Variants in RSPRY1 observed in about 807,000 individuals in gnomAD.
The protein encoded by RSPRY1 is ring finger and SPRY domain containing 1.
A neutral mutation model predicts 73.1 loss-of-function variants in RSPRY1; 23 were observed. The observed-to-expected ratio is 0.31, with a 90% CI of 0.23 to 0.45. The LOEUF is 0.45. Among genes scored for constraint, RSPRY1 ranks in the 20% least tolerant of loss-of-function variants. The pLI is 1.00. For missense variants in RSPRY1, 448 were observed against 698.7 expected, an observed-to-expected ratio of 0.64 and a Z score of 4.05; for synonymous variants, 226 against 251.4, an observed-to-expected ratio of 0.90 and a Z score of 0.95.
intron 8 of RSPRY1, among the ~76,000 whole-genome samples, chr16:57,218,140 C>CA (rs1371582432): frequency 8.5e-5 from 13 of 152,140 alleles, no homozygotes; most frequent in Admixed American, 6.5e-5. Flanking sequence ...TATGAAAAAT[C>CA]AGTGTGTTTT....
intron 1 of RSPRY1, among the ~76,000 whole-genome samples, chr16:57,195,527 AAAAAGTATAATCATATT>A (rs1237550174): frequency 1.3e-5 from 2 of 152,178 alleles, no homozygotes; most frequent in African/African-American, 4.8e-5. Context: ...AATAAAAATA[AAAAAGTATAATCATATT>A]AAAAGTATTG....
chr16:57,205,838 A>C (rs1407894399), intron 2 of RSPRY1, among the ~76,000 whole-genome samples: 11 of 152,240 alleles, frequency 7.2e-5, no homozygotes, highest in Non-Finnish European at 1.6e-4. Context: ...GATAATGTAC[A>C]TAAGGCATTC....
chr16:57,201,928 T>C (rs1418126627), intron 1 of RSPRY1, among the ~76,000 whole-genome samples: 4 of 151,860 alleles, frequency 2.6e-5, no homozygotes, highest in Non-Finnish European at 4.4e-5. Context: ...AGCTTTGGCT[T>C]GGCATCAGGG....
chr16:57,226,003 G>A (rs553259948), intron 10 of RSPRY1, among the ~76,000 whole-genome samples: 3 of 152,180 alleles, frequency 2.0e-5, no homozygotes, highest in Admixed American at 6.5e-5. Flanking sequence ...GCTTAAACCC[G>A]GGAGGCAGAG....
intron 1 of RSPRY1, among the ~76,000 whole-genome samples, chr16:57,198,083 AC>A (rs1204470266): frequency 6.6e-6 from 1 of 151,974 alleles, no homozygotes; most frequent in Non-Finnish European, 1.5e-5. Flanking sequence ...TCATCCAATC[AC>A]CTTAAAATTG....
chr16:57,201,403 G>A (rs1432985144), intron 1 of RSPRY1, among the ~76,000 whole-genome samples: 3 of 151,438 alleles, frequency 2.0e-5, no homozygotes, highest in African/African-American at 4.9e-5. Context: ...GACGATGGGC[G>A]GCCTGGCAGA....
chr16:57,236,776 T>C (rs2075305860), intron 14 of RSPRY1, among the ~76,000 whole-genome samples: 1 of 152,172 alleles, frequency 6.6e-6, no homozygotes, highest in Non-Finnish European at 1.5e-5. Flanking sequence ...TTTTTATGAA[T>C]ATAAATCTAA....
chr16:57,218,463 A>G (rs1567505782), intron 8 of RSPRY1, among the ~76,000 whole-genome samples: 1 of 152,018 alleles, frequency 6.6e-6, no homozygotes, highest in South Asian at 2.1e-4. Flanking sequence ...TATTCCCATT[A>G]ACCAACCCCA....
At chr16:57,190,957 CTG>C (rs1345894218) in intron 1 of RSPRY1, among the ~76,000 whole-genome samples, 2 of 152,180 alleles carry the variant, frequency 1.3e-5, no homozygotes, top group Non-Finnish European at 2.9e-5. Flanking sequence ...CTTTTGAAAA[CTG>C]AGAATACATT....
chr16:57,190,362 A>T (rs1208097053), intron 1 of RSPRY1, among the ~76,000 whole-genome samples: 1 of 152,180 alleles, frequency 6.6e-6, no homozygotes, highest in Non-Finnish European at 1.5e-5. Context: ...TGTCTCAAAT[A>T]AATAAATAGG....
Position 57,238,999 on chromosome 16 carries a change from C to A in RSPRY1, c.*24C>A. 1 of 1,250,976 alleles carries A rather than the reference C, an allele frequency of 8.0e-7. No homozygotes were observed. The highest frequency in any genetic ancestry group is 1.3e-5 in the South Asian group (1 of 76,710). 77.5% of individuals were successfully genotyped at this position (1,250,976 alleles called of 1,614,324 possible). A position where few individuals can be genotyped will look rare whatever the true frequency, so the allele number is the denominator to read the frequency against. On this transcript the variant is annotated 3_prime_UTR_variant, in exon 15 of 15. Coordinates refer to ENST00000394420, the MANE Select transcript of RSPRY1 (RefSeq NM_133368.3). The stretch of plus-strand genomic sequence containing the variant: ...GACACATGTGAAGAGGCATCGTGGA[C>A]TTTTTTCTACTCAATTCCAGCCAAT...
At position 57,239,027 on chromosome 16, in the gene RSPRY1, TGAAAA is replaced by T. The variant is rs751304551; in HGVS notation, c.*58_*62del. ...TTTTCTACTCAATTCCAGCCAATGT[TGAAAA>T]GAAAAAGAAAAAAAAAACTCTCTAA... On this transcript the variant is annotated 3_prime_UTR_variant, in exon 15 of 15. Transcript: ENST00000394420. 1.6e-5 allele frequency: 16 copies of T among 1,015,746 alleles called. No individual in the cohort carries two copies. Among genetic ancestry groups the T allele is most frequent in the East Asian group, 1.5e-4 (6 of 39,604 alleles). 62.9% of individuals were successfully genotyped at this position (1,015,746 alleles called of 1,614,324 possible).
intron 1 of RSPRY1, among the ~76,000 whole-genome samples, chr16:57,200,652 G>A (rs58871276): frequency 1.6e-3 from 9 of 5,612 alleles, no homozygotes; most frequent in East Asian, 0.014. Flanking sequence ...GCGGCTGGCC[G>A]GGCGGGGGGC....
chr16:57,192,506 T>C lies in RSPRY1; in HGVS notation c.-156+6055T>C, dbSNP rs1030760840. Among the ~76,000 whole-genome samples, 4 of 152,306 alleles carry C rather than the reference T, an allele frequency of 2.6e-5. No individual in the cohort carries two copies. In the East Asian group the frequency reaches 7.7e-4, roughly 29 times the overall value. The stretch of plus-strand genomic sequence containing the variant: ...ATTTACTTCCCCTTTTTTACTATTA[T>C]TTGCTTCCGGAAATTCCTTACTCTA... On this transcript the variant is annotated intron_variant, in intron 1 of 14. Coordinates refer to ENST00000394420, the MANE Select transcript of RSPRY1 (RefSeq NM_133368.3).
rs1212375881 is a variant in RSPRY1 at position 57,213,916 on chromosome 16, A to T, written c.672A>T (p.Pro224=). ...AGPASIGLLS[P]GILEYLLQCL... is the part of the protein sequence containing the mutation. ...CTGCAAGTATAGGTTTACTTAGCCC[A>T]GGAATACTGGAATACTTGCTACAGT... The change falls in exon 6 of 15, where the codon CCA becomes CCT. Residue 224 remains proline, a synonymous_variant. Transcript: ENST00000394420. The T allele has an allele frequency of 6.2e-7, 1 of 1,609,380 alleles. No individual in the cohort carries two copies. The highest frequency in any genetic ancestry group is 8.5e-7 in the Non-Finnish European group (1 of 1,175,702).
intron 1 of RSPRY1, among the ~76,000 whole-genome samples, chr16:57,201,056 G>T (rs112518312): frequency 7.5e-6 from 1 of 133,830 alleles, no homozygotes; most frequent in Non-Finnish European, 1.7e-5. Context: ...CCGGGCGGGG[G>T]GCTGACCCCC....
At position 57,201,984 on chromosome 16, in the gene RSPRY1, G is replaced by C. The variant is rs1053997605; in HGVS notation, c.-155-2520G>C. ...GAGAGGGAGAGGGAGAGGAGGGAGA[G>C]GGAGAGGAGCAGTTTACTCATTTTG... is the stretch of plus-strand genomic sequence containing the variant. On this transcript the variant is annotated intron_variant, in intron 1 of 14. Coordinates refer to ENST00000394420, the MANE Select transcript of RSPRY1 (RefSeq NM_133368.3). Among the ~76,000 whole-genome samples, 7 of 151,998 alleles carry C rather than the reference G, an allele frequency of 4.6e-5. No individual in the cohort carries two copies. In the South Asian group the frequency reaches 1.4e-3, roughly 31 times the overall value.
chr16:57,217,181 A>G (rs757760861), intron 8 of RSPRY1, 146 bp downstream of exon 8: 69 of 838,788 alleles, frequency 8.2e-5, no homozygotes, highest in Non-Finnish European at 1.2e-4. Context: ...TCTAGCAGAA[A>G]AGTATCCTAG....
chr16:57,218,971 C>T (rs1052904754), intron 8 of RSPRY1, among the ~76,000 whole-genome samples: 23 of 122,860 alleles, frequency 1.9e-4, no homozygotes, highest in Non-Finnish European at 2.4e-4. Context: ...CTCCTGACCT[C>T]GTGATCCGCC....
Sources: allele counts gnomAD v4.1 joint callset (sites outside exome capture counted in the v4.1 genomes callset), GRCh38; gene constraint gnomAD v4.1.1; transcripts MANE v1.5; gene names NCBI Gene and HGNC (gene_info 2026-07-23, HGNC 2026-07-21).